PDSS2: variants seen among roughly 807,000 people sequenced by gnomAD.
PDSS2 encodes the protein all trans-polyprenyl-diphosphate synthase PDSS2.
A neutral mutation model predicts 44.5 loss-of-function variants in PDSS2; 31 were observed. The observed-to-expected ratio is 0.70, with a 90% CI of 0.52 to 0.94. PDSS2 has a LOEUF of 0.94. Among genes scored for constraint, PDSS2 ranks in the 40% least tolerant of loss-of-function variants. PDSS2 has a pLI of 0.00. For missense variants in PDSS2, 452 were observed against 482.2 expected, an observed-to-expected ratio of 0.94 and a Z score of 0.59; for synonymous variants, 157 against 180.3, an observed-to-expected ratio of 0.87 and a Z score of 1.03.
At position 107,301,430 on chromosome 6, in the gene PDSS2, T is replaced by C. The variant is rs535349127; in HGVS notation, c.432-27203A>G. ...GATACCTAAAGTGCTAAAAACACTT[T>C]ACCATTTTTTGAAATAATTTACAGT... On this transcript the variant is annotated intron_variant, in intron 2 of 7. Coordinates refer to ENST00000369037, the MANE Select transcript of PDSS2 (RefSeq NM_020381.4). 9.0e-4 allele frequency among the ~76,000 whole-genome samples: 136 copies of C among 150,472 alleles called. 4 individuals carry two copies. The South Asian group carries it at 0.028, about 31-fold the overall frequency.
At chr6:107,189,336 T>C (rs1460480500) in intron 7 of PDSS2, among the ~76,000 whole-genome samples, 1 of 151,916 alleles carries the variant, frequency 6.6e-6, no homozygotes, top group African/African-American at 2.4e-5. Flanking sequence ...AGACATATAT[T>C]TTTTTTCTTT....
chr6:107,204,165 T>A (rs1772889886), intron 6 of PDSS2, among the ~76,000 whole-genome samples: 3 of 151,982 alleles, frequency 2.0e-5, no homozygotes, highest in African/African-American at 7.3e-5. Context: ...ATGGTCTCGA[T>A]CTCCTGACCT....
intron 2 of PDSS2, among the ~76,000 whole-genome samples, chr6:107,313,557 C>T (rs566180812): frequency 1.3e-5 from 2 of 151,808 alleles, no homozygotes; most frequent in Admixed American, 6.6e-5. Context: ...TTCACCGTGT[C>T]GGCCAGGCTG....
chr6:107,261,878 C>T (rs1383598313), intron 3 of PDSS2, among the ~76,000 whole-genome samples: 1 of 148,866 alleles, frequency 6.7e-6, no homozygotes, highest in African/African-American at 2.5e-5. Flanking sequence ...CGTGCCTGGC[C>T]CGTCTCAGGT....
At chr6:107,292,118 TAG>T (rs1776368454) in intron 2 of PDSS2, among the ~76,000 whole-genome samples, 1 of 151,864 alleles carries the variant, frequency 6.6e-6, no homozygotes, top group African/African-American at 2.4e-5. Flanking sequence ...TCAAAGAGAT[TAG>T]ATACTTCAGT....
intron 1 of PDSS2, among the ~76,000 whole-genome samples, chr6:107,356,367 C>T (rs1778597573): frequency 6.6e-6 from 1 of 152,176 alleles, no homozygotes; most frequent in Non-Finnish European, 1.5e-5. Flanking sequence ...ATTTCATGGA[C>T]ATCATACTCT....
chr6:107,201,146 G>T (rs923394552), intron 6 of PDSS2, among the ~76,000 whole-genome samples: 1 of 152,148 alleles, frequency 6.6e-6, no homozygotes, highest in African/African-American at 2.4e-5. Flanking sequence ...CATTACTAGG[G>T]TCTTTAAAAG....
At chr6:107,201,389 G>GCAAAAAAA (rs1772766968) in intron 6 of PDSS2, among the ~76,000 whole-genome samples, 1 of 17,184 alleles carries the variant, frequency 5.8e-5, no homozygotes, top group Non-Finnish European at 1.3e-4. Flanking sequence ...CCATACAAAA[G>GCAAAAAAA]CAAAAAAAAA....
At chr6:107,429,905 T>TAC (rs1562534269) in intron 1 of PDSS2, among the ~76,000 whole-genome samples, 7 of 16,396 alleles carry the variant, frequency 4.3e-4, no homozygotes, top group African/African-American at 1.5e-3. Context: ...AAAAAAAATA[T>TAC]ATATATATAT....
intron 1 of PDSS2, among the ~76,000 whole-genome samples, chr6:107,405,546 C>T (rs1193103311): frequency 6.6e-6 from 1 of 151,940 alleles, no homozygotes; most frequent in Non-Finnish European, 1.5e-5. Flanking sequence ...GCATTAAATG[C>T]TCCACTTAAA....
chr6:107,270,778 G>C (rs2114928600), intron 3 of PDSS2, among the ~76,000 whole-genome samples: 1 of 152,044 alleles, frequency 6.6e-6, no homozygotes, highest in East Asian at 1.9e-4. Flanking sequence ...ACTCACAAAG[G>C]CTTTATGTTT....
At chr6:107,314,478 G>A (rs1195437595) in intron 2 of PDSS2, among the ~76,000 whole-genome samples, 1 of 152,148 alleles carries the variant, frequency 6.6e-6, no homozygotes, top group Non-Finnish European at 1.5e-5. Context: ...GAGGCAGCAT[G>A]TCAAATAGGA....
chr6:107,387,777 G>C lies in PDSS2; in HGVS notation c.297-53445C>G, dbSNP rs561725683. On this transcript the variant is annotated intron_variant, in intron 1 of 7. Coordinates refer to ENST00000369037, the MANE Select transcript of PDSS2 (RefSeq NM_020381.4). ...CTGGTAGAAAACTGTATTAGAAGTTGCAATGATTTCATTTTCTCCATCTCT... is the reference window on the plus strand; with the variant it reads ...CTGGTAGAAAACTGTATTAGAAGTTCCAATGATTTCATTTTCTCCATCTCT... Among the ~76,000 whole-genome samples the C allele has an allele frequency of 2.6e-5, 4 of 152,324 alleles. No homozygotes were observed. The South Asian group carries it at 8.3e-4, about 32-fold the overall frequency.
At chr6:107,313,522 T>C (rs1284368281) in intron 2 of PDSS2, among the ~76,000 whole-genome samples, 1 of 151,568 alleles carries the variant, frequency 6.6e-6, no homozygotes, top group African/African-American at 2.4e-5. Context: ...CCAGCTAACT[T>C]TTGTATTTTT....
chr6:107,459,421 G>T lies in PDSS2; in HGVS notation c.-136C>A. The T allele has an allele frequency of 1.4e-6, 1 of 699,350 alleles. No homozygotes were observed. Among genetic ancestry groups the T allele is most frequent in the Non-Finnish European group, 2.4e-6 (1 of 410,414 alleles). The allele number at this position is 699,350 out of a possible 1,614,324, so 43.3% of individuals were successfully genotyped here. A position where few individuals can be genotyped will look rare whatever the true frequency, so the allele number is the denominator to read the frequency against. On this transcript the variant is annotated 5_prime_UTR_variant, in exon 1 of 8. Transcript: ENST00000369037. The surrounding 1 kb of genome is among the most constrained non-coding windows in gnomAD (Gnocchi z 4.3). ...ACCCTCAGAGTAAGGTGGCTTCCTGGAGCAGTGACCAGAAACGAACTTTAA... is the reference window on the plus strand; with the variant it reads ...ACCCTCAGAGTAAGGTGGCTTCCTGTAGCAGTGACCAGAAACGAACTTTAA...
intron 3 of PDSS2, among the ~76,000 whole-genome samples, chr6:107,262,537 T>C (rs1314966193): frequency 6.6e-6 from 1 of 151,906 alleles, no homozygotes; most frequent in African/African-American, 2.4e-5. Context: ...TTTGGGAGGC[T>C]TGAGGCGGGC....
chr6:107,201,390 CAA>C (rs747612959), intron 6 of PDSS2, among the ~76,000 whole-genome samples: 1,088 of 52,030 alleles, frequency 0.021, 3 homozygotes, highest in Non-Finnish European at 0.026. Flanking sequence ...CATACAAAAG[CAA>C]AAAAAAAAAA....
intron 4 of PDSS2, among the ~76,000 whole-genome samples, chr6:107,232,135 A>G (rs1774073014): frequency 6.6e-6 from 1 of 152,176 alleles, no homozygotes; most frequent in African/African-American, 2.4e-5. Flanking sequence ...CTAGAGTAAT[A>G]ACTAAAACAG....
intron 7 of PDSS2, among the ~76,000 whole-genome samples, chr6:107,179,141 G>T (rs568030163): frequency 1.1e-4 from 16 of 152,296 alleles, no homozygotes; most frequent in Non-Finnish European, 2.1e-4. Context: ...CAAATCTTAG[G>T]AATCAATTAA....
Sources: allele counts gnomAD v4.1 joint callset (sites outside exome capture counted in the v4.1 genomes callset), GRCh38; gene constraint gnomAD v4.1.1; non-coding constraint Gnocchi (gnomAD v3.1); transcripts MANE v1.5; gene names NCBI Gene and HGNC (gene_info 2026-07-23, HGNC 2026-07-21).